HTR4: variants seen among roughly 807,000 people sequenced by gnomAD.
The protein encoded by HTR4 is 5-hydroxytryptamine (serotonin) receptor 4, G protein-coupled.
Under a neutral mutation model 36.8 loss-of-function variants are expected in HTR4, and 16 were observed. That is an observed-to-expected ratio of 0.43 (90% CI 0.29 to 0.66). HTR4 has a LOEUF of 0.66. Among genes scored for constraint, HTR4 ranks in the 30% least tolerant of loss-of-function variants. The probability of loss-of-function intolerance (pLI) is 0.13; values close to 1 mark genes in which losing one functional copy is unlikely to be tolerated. For synonymous variants in HTR4, 189 were observed against 185.1 expected (o/e 1.02, Z -0.17); for missense variants, 438 against 490.9 (o/e 0.89, Z 1.02).
intron 5 of HTR4, among the ~76,000 whole-genome samples, chr5:148,465,348 T>C (rs1755398131): frequency 6.6e-6 from 1 of 152,112 alleles, no homozygotes; most frequent in Admixed American, 6.5e-5. Flanking sequence ...ATATAGGAGA[T>C]CTCTGTACCT....
chr5:148,633,949 A>G (rs1307310411), intron 2 of HTR4, among the ~76,000 whole-genome samples: 1 of 152,138 alleles, frequency 6.6e-6, no homozygotes, highest in Non-Finnish European at 1.5e-5. Flanking sequence ...TATGTTAGCC[A>G]GAGTTAGTTT....
intron 5 of HTR4, among the ~76,000 whole-genome samples, chr5:148,469,898 C>T (rs1755521948): frequency 6.6e-6 from 1 of 152,242 alleles, no homozygotes. Context: ...CACATTCCGC[C>T]TCTTCCTGGC....
At chr5:148,616,524 T>C (rs10223307) in intron 2 of HTR4, among the ~76,000 whole-genome samples, 103,205 of 152,030 alleles carry the variant, frequency 0.68, 36,828 homozygotes, top group African/African-American at 0.92. Flanking sequence ...TTGTGATCAG[T>C]ATTTACCCTC....
intron 2 of HTR4, among the ~76,000 whole-genome samples, chr5:148,566,475 C>A (rs1032324135): frequency 6.6e-6 from 1 of 152,156 alleles, no homozygotes; most frequent in African/African-American, 2.4e-5. Context: ...TTCAAGGGAT[C>A]TGTGGACGTG....
intron 2 of HTR4, among the ~76,000 whole-genome samples, chr5:148,615,283 A>G (rs1265711945): frequency 6.6e-6 from 1 of 152,160 alleles, no homozygotes; most frequent in Non-Finnish European, 1.5e-5. Context: ...ACCAACCCAA[A>G]TGTCCAACAT....
intron 2 of HTR4, chr5:148,629,483 G>T (rs1038995213): frequency 6.6e-6 from 1 of 152,174 alleles, no homozygotes; most frequent in African/African-American, 2.4e-5. Flanking sequence ...CCAGGGGGAA[G>T]CTTTGAGGCC....
At chr5:148,486,791 A>T (rs1264686824) in intron 6 of HTR4, among the ~76,000 whole-genome samples, 1 of 152,192 alleles carries the variant, frequency 6.6e-6, no homozygotes, top group African/African-American at 2.4e-5. Flanking sequence ...TTGGATTTGT[A>T]TTAAAGAATC....
chr5:148,515,633 T>A (rs932521305), intron 5 of HTR4, among the ~76,000 whole-genome samples: 3 of 152,180 alleles, frequency 2.0e-5, no homozygotes, highest in Non-Finnish European at 4.4e-5. Flanking sequence ...CAACATGTCA[T>A]TCCATTGTCT....
At chr5:148,538,887 A>G (rs1240597128) in intron 4 of HTR4, among the ~76,000 whole-genome samples, 1 of 152,182 alleles carries the variant, frequency 6.6e-6, no homozygotes, top group Non-Finnish European at 1.5e-5. Flanking sequence ...TTTAAAATTA[A>G]TATGGAACCA....
At chr5:148,529,410 G>A (rs919646139) in intron 4 of HTR4, among the ~76,000 whole-genome samples, 2 of 152,232 alleles carry the variant, frequency 1.3e-5, no homozygotes, top group Admixed American at 6.5e-5. Context: ...TTCTCATGAT[G>A]GTGACTGGGT....
chr5:148,463,641 A>G (rs1440198533), intron 5 of HTR4, among the ~76,000 whole-genome samples: 1 of 152,162 alleles, frequency 6.6e-6, no homozygotes, highest in Non-Finnish European at 1.5e-5. Context: ...CAAGATGTCA[A>G]GGCTTATAAT....
chr5:148,581,221 G>A (rs1009812503), intron 2 of HTR4, among the ~76,000 whole-genome samples: 1 of 151,826 alleles, frequency 6.6e-6, no homozygotes, highest in South Asian at 2.1e-4. Flanking sequence ...TGAGTTGTAG[G>A]AGTTCTTTAT....
intron 1 of HTR4, among the ~76,000 whole-genome samples, chr5:148,638,989 G>A (rs568083851): frequency 6.6e-6 from 1 of 152,054 alleles, no homozygotes; most frequent in African/African-American, 2.4e-5. Flanking sequence ...TGAGGCTGCT[G>A]TGAGCCAAGA....
intron 1 of HTR4, among the ~76,000 whole-genome samples, 165 bp downstream of exon 1, chr5:148,653,897 C>T (rs1055436298): frequency 2.0e-5 from 3 of 152,122 alleles, no homozygotes; most frequent in Non-Finnish European, 4.4e-5. Context: ...GCCAGCCCAC[C>T]TACACCCTGA....
chr5:148,490,146 T>TATGTATA (rs200352773), intron 6 of HTR4, among the ~76,000 whole-genome samples: 1,976 of 148,194 alleles, frequency 0.013, 44 homozygotes, highest in African/African-American at 0.045. Context: ...TATACATGTA[T>TATGTATA]ATATATAATA....
intron 2 of HTR4, among the ~76,000 whole-genome samples, chr5:148,600,316 A>T (rs1761938682): frequency 6.8e-6 from 1 of 146,888 alleles, no homozygotes; most frequent in African/African-American, 2.5e-5. Context: ...TATATTATAT[A>T]TTTTAATATA....
chr5:148,620,858 G>T (rs942237532), intron 2 of HTR4, among the ~76,000 whole-genome samples: 2 of 152,108 alleles, frequency 1.3e-5, no homozygotes, highest in African/African-American at 4.8e-5. Context: ...CTCAAGCAGA[G>T]CCTTGTCTCA....
intron 2 of HTR4, among the ~76,000 whole-genome samples, chr5:148,600,493 A>C (rs2127268020): frequency 6.6e-6 from 1 of 151,528 alleles, no homozygotes; most frequent in East Asian, 1.9e-4. Flanking sequence ...AAAATGTTGG[A>C]GCTAAGAAAG....
intron 6 of HTR4, among the ~76,000 whole-genome samples, chr5:148,508,419 GACACTGA>G (rs1757325407): frequency 1.3e-5 from 2 of 152,146 alleles, no homozygotes; most frequent in South Asian, 4.1e-4. Flanking sequence ...ACCATAACTA[GACACTGA>G]ACATTTAACT....
Sources: gnomAD v4.1 joint callset for allele counts (sites outside exome capture counted in the v4.1 genomes callset) on GRCh38, gnomAD v4.1.1 for gene constraint, MANE v1.5 for transcripts, NCBI Gene and HGNC (gene_info 2026-07-23, HGNC 2026-07-21) for gene names.